The following VPS13A variants were observed in gnomAD, a reference collection of about 807,000 sequenced individuals.
VPS13A encodes the protein vacuolar protein sorting 13 homolog A.
A neutral mutation model predicts 390.9 loss-of-function variants in VPS13A; 264 were observed. That is an observed-to-expected ratio of 0.68 (90% CI 0.61 to 0.75). The LOEUF (loss-of-function observed/expected upper bound fraction) is 0.75. Ranked by LOEUF, VPS13A falls within the 30% of genes least tolerant of loss-of-function variation. The pLI is 0.00. For missense variants in VPS13A, 3,409 were observed against 3,733.9 expected, an observed-to-expected ratio of 0.91 and a Z score of 2.27; for synonymous variants, 1,231 against 1,227.1, an observed-to-expected ratio of 1.00 and a Z score of -0.07.
intron 67 of VPS13A, among the ~76,000 whole-genome samples, chr9:77,379,280 G>T: frequency 1.4e-5 from 2 of 139,120 alleles, no homozygotes; most frequent in Non-Finnish European, 1.5e-5. Flanking sequence ...CACTCTTGTT[G>T]CCCAGGCTGG....
Position 77,420,505 on chromosome 9 carries a change from A to G in VPS13A, c.*4499A>G, listed in dbSNP as rs1587747810. ...AAAAAAAAATTATTTTGGTTACCCA[A>G]AAAGCTATACAAGAAATATAACTTC... is the stretch of plus-strand genomic sequence containing the variant. On this transcript the variant is annotated 3_prime_UTR_variant, in exon 72 of 72. Transcript: ENST00000360280. The G allele has an allele frequency of 6.6e-6, 1 of 152,288 alleles. No homozygotes were observed. Among genetic ancestry groups the G allele is most frequent in the East Asian group, 1.9e-4 (1 of 5,188 alleles). 9.4% of individuals were successfully genotyped at this position (152,288 alleles called of 1,614,324 possible).
chr9:77,186,637 T>C (rs1271880418), intron 1 of VPS13A, among the ~76,000 whole-genome samples: 3 of 152,132 alleles, frequency 2.0e-5, no homozygotes, highest in African/African-American at 7.2e-5. Flanking sequence ...GGGGTTTCAC[T>C]ATGTTGACCA....
chr9:77,332,449 G>A (rs190639725), intron 46 of VPS13A, among the ~76,000 whole-genome samples: 2 of 151,772 alleles, frequency 1.3e-5, no homozygotes, highest in East Asian at 3.9e-4. Flanking sequence ...GAAGTAATTT[G>A]TACTTCTCAA....
In VPS13A at chr9:77,360,745, A is replaced by G. The variant is rs117318023; in HGVS notation, c.8211+104A>G. On this transcript the variant is annotated intron_variant, in intron 59 of 71. Coordinates refer to ENST00000360280, the MANE Select transcript of VPS13A (RefSeq NM_033305.3). ...GACTTTGTTGCATTTTAAAAATACAATTAAATAAATTTTATTACTCTCTTG... is the reference window on the plus strand; with the variant it reads ...GACTTTGTTGCATTTTAAAAATACAGTTAAATAAATTTTATTACTCTCTTG... The G allele has an allele frequency of 0.011, 9,299 of 859,384 alleles. 79 individuals carry two copies. Among genetic ancestry groups the G allele is most frequent in the South Asian group, 0.015 (931 of 63,438 alleles). 53.2% of individuals were successfully genotyped at this position (859,384 alleles called of 1,614,324 possible). A position where few individuals can be genotyped will look rare whatever the true frequency, so the allele number is the denominator to read the frequency against.
At position 77,313,992 on chromosome 9, in the gene VPS13A, G is replaced by A; in HGVS notation, c.4115G>A (p.Gly1372Glu). Reference protein sequence around the residue: ...VTTNASHHSGGATVVTAAVVE... With the variant: ...VTTNASHHSGEATVVTAAVVE... ...ATTAAATAACTTTAATTTTTTCAAG[G>A]AGCAACTGTGGTGACAGCTGCTGTG... The change falls in exon 36 of 72, where the codon GGA (glycine) becomes GAA (glutamate). Residue 1372 changes from glycine to glutamate, a missense_variant and splice_region_variant. Coordinates refer to ENST00000360280, the MANE Select transcript of VPS13A (RefSeq NM_033305.3). 1 of 1,611,996 alleles carries A rather than the reference G, an allele frequency of 6.2e-7. No individual in the cohort carries two copies. The highest frequency in any genetic ancestry group is 8.5e-7 in the Non-Finnish European group (1 of 1,179,080).
In VPS13A at chr9:77,403,393, G is replaced by C. The variant is rs1440278287; in HGVS notation, c.9275+72G>C. ...ACAGCGACTCATGAGGTGAAGATTTGTTATTCACCTTTTGTTCCATATAGT... is the reference window on the plus strand; with the variant it reads ...ACAGCGACTCATGAGGTGAAGATTTCTTATTCACCTTTTGTTCCATATAGT... On this transcript the variant is annotated intron_variant, in intron 69 of 71. Transcript: ENST00000360280. The C allele has an allele frequency of 7.3e-6, 9 of 1,232,264 alleles. No homozygotes were observed. The Admixed American group carries it at 1.4e-4, about 19-fold the overall frequency. The allele number at this position is 1,232,264 out of a possible 1,614,324, so 76.3% of individuals were successfully genotyped here. A position where few individuals can be genotyped will look rare whatever the true frequency, so the allele number is the denominator to read the frequency against.
intron 63 of VPS13A, among the ~76,000 whole-genome samples, chr9:77,369,787 T>C (rs879872430): frequency 1.3e-5 from 2 of 152,220 alleles, no homozygotes; most frequent in Non-Finnish European, 2.9e-5. Context: ...GATTGTTCTA[T>C]GTCCTTTAAA....
intron 68 of VPS13A, among the ~76,000 whole-genome samples, chr9:77,398,128 G>A (rs1258719226): frequency 6.6e-6 from 1 of 152,096 alleles, no homozygotes; most frequent in Non-Finnish European, 1.5e-5. Context: ...TGGGATGGAG[G>A]AAGATAGGAT....
intron 20 of VPS13A, among the ~76,000 whole-genome samples, chr9:77,249,643 G>T (rs1473868528): frequency 6.6e-6 from 1 of 152,138 alleles, no homozygotes; most frequent in Non-Finnish European, 1.5e-5. Flanking sequence ...AATATAACTT[G>T]CCTGGAGTTG....
chr9:77,384,029 C>T (rs1437382558), intron 68 of VPS13A, among the ~76,000 whole-genome samples: 1 of 150,096 alleles, frequency 6.7e-6, no homozygotes, highest in Non-Finnish European at 1.5e-5. Flanking sequence ...TATGTAAATA[C>T]CAGTACTGTG....
chr9:77,348,881 A>G (rs1334509958), intron 52 of VPS13A, among the ~76,000 whole-genome samples: 3 of 152,222 alleles, frequency 2.0e-5, no homozygotes, highest in Non-Finnish European at 4.4e-5. Context: ...CTCTGCAATG[A>G]ATTAAACAGA....
intron 31 of VPS13A, among the ~76,000 whole-genome samples, chr9:77,291,582 G>A (rs1446975692): frequency 6.6e-6 from 1 of 152,092 alleles, no homozygotes; most frequent in Non-Finnish European, 1.5e-5. Flanking sequence ...GTGGCTGGAG[G>A]CTGTGTTGCT....
intron 23 of VPS13A, among the ~76,000 whole-genome samples, chr9:77,262,426 T>A (rs1825808872): frequency 1.3e-5 from 2 of 152,194 alleles, no homozygotes; most frequent in Admixed American, 1.3e-4. Flanking sequence ...AAAAATAGTG[T>A]AAAGAAGGTT....
At chr9:77,314,266 T>A (rs1829253580) in intron 36 of VPS13A, 147 bp downstream of exon 36, 4 of 961,100 alleles carry the variant, frequency 4.2e-6, no homozygotes, top group Admixed American at 2.8e-5. Flanking sequence ...TAATAATAAT[T>A]ATAACTATTT....
At chr9:77,215,005 A>C (rs1272885121) in intron 10 of VPS13A, among the ~76,000 whole-genome samples, 2 of 152,138 alleles carry the variant, frequency 1.3e-5, no homozygotes, top group Non-Finnish European at 2.9e-5. Context: ...AGTTCAGGCA[A>C]TCTGCCCGCC....
intron 22 of VPS13A, among the ~76,000 whole-genome samples, chr9:77,253,910 A>G (rs1253364931): frequency 6.8e-6 from 1 of 147,974 alleles, no homozygotes; most frequent in Non-Finnish European, 1.5e-5. Flanking sequence ...TGTATGTGAC[A>G]TATAGGATAA....
chr9:77,200,891 G>T (rs886354870), intron 2 of VPS13A, among the ~76,000 whole-genome samples: 4 of 152,104 alleles, frequency 2.6e-5, no homozygotes, highest in African/African-American at 9.7e-5. Context: ...TAGGATAAGG[G>T]TTCAGTTTCA....
intron 23 of VPS13A, among the ~76,000 whole-genome samples, chr9:77,271,872 A>G (rs1826372567): frequency 6.6e-6 from 1 of 152,222 alleles, no homozygotes. Context: ...TTAAGGTAAC[A>G]TAGTTGTTAC....
chr9:77,237,641 G>C (rs528645347), intron 17 of VPS13A, among the ~76,000 whole-genome samples: 1 of 152,080 alleles, frequency 6.6e-6, no homozygotes, highest in Non-Finnish European at 1.5e-5. Flanking sequence ...CTGGGATTAC[G>C]GGTGTGAGCC....
Sources: allele counts gnomAD v4.1 joint callset (sites outside exome capture counted in the v4.1 genomes callset), GRCh38; gene constraint gnomAD v4.1.1; transcripts MANE v1.5; gene names NCBI Gene and HGNC (gene_info 2026-07-23, HGNC 2026-07-21).